The following ZBTB20 variants were observed in gnomAD, a reference collection of about 807,000 sequenced individuals.
The protein encoded by ZBTB20 is zinc finger and BTB domain-containing protein 20.
A neutral mutation model predicts 56.9 loss-of-function variants in ZBTB20; 9 were observed. The observed-to-expected ratio is 0.16, with a 90% CI of 0.10 to 0.28. The LOEUF is 0.28. ZBTB20 is among the 10% of genes least tolerant of loss of function. The pLI is 1.00. For synonymous variants in ZBTB20, 417 were observed against 420.7 expected, an observed-to-expected ratio of 0.99 and a Z score of 0.11; for missense variants, 655 against 1,003.0, an observed-to-expected ratio of 0.65 and a Z score of 4.69.
intron 3 of ZBTB20, among the ~76,000 whole-genome samples, chr3:114,969,725 G>T (rs544870398): frequency 6.6e-6 from 1 of 152,120 alleles, no homozygotes; most frequent in African/African-American, 2.4e-5. Context: ...TCAGTTATAA[G>T]AAAGTATAAT....
At chr3:114,911,579 A>C (rs1560389750) in intron 3 of ZBTB20, among the ~76,000 whole-genome samples, 1 of 152,072 alleles carries the variant, frequency 6.6e-6, no homozygotes, top group Non-Finnish European at 1.5e-5. Context: ...CCATAAAAAA[A>C]GGACCAAACA....
At chr3:114,578,801 TA>T (rs1693151437) in intron 6 of ZBTB20, among the ~76,000 whole-genome samples, 1 of 151,522 alleles carries the variant, frequency 6.6e-6, no homozygotes. Flanking sequence ...TAAAAAAAAG[TA>T]ACAAGAAAAG....
chr3:115,002,148 T>C (rs1027467234), intron 2 of ZBTB20, among the ~76,000 whole-genome samples: 1 of 151,446 alleles, frequency 6.6e-6, no homozygotes, highest in African/African-American at 2.4e-5. Context: ...AAAAGTCTTT[T>C]CAACAAATAG....
At chr3:114,780,498 C>CT (rs1402630606) in intron 5 of ZBTB20, among the ~76,000 whole-genome samples, 1 of 151,912 alleles carries the variant, frequency 6.6e-6, no homozygotes, top group Non-Finnish European at 1.5e-5. Context: ...CTTCTCTTTT[C>CT]TTTTTTTTGA....
At chr3:114,887,841 A>G (rs887675096) in intron 4 of ZBTB20, among the ~76,000 whole-genome samples, 18 of 152,168 alleles carry the variant, frequency 1.2e-4, no homozygotes, top group African/African-American at 4.1e-4. Flanking sequence ...CAGAAGTTTT[A>G]TAAGTGTAAA....
intron 7 of ZBTB20, among the ~76,000 whole-genome samples, chr3:114,432,027 CTCTT>C (rs1209109014): frequency 5.9e-5 from 9 of 152,248 alleles, no homozygotes; most frequent in South Asian, 2.1e-4. Context: ...GTGCAGTTGT[CTCTT>C]TCTTATACAG....
chr3:114,685,592 G>C (rs1239733689), intron 6 of ZBTB20, among the ~76,000 whole-genome samples: 1 of 152,180 alleles, frequency 6.6e-6, no homozygotes, highest in Non-Finnish European at 1.5e-5. Context: ...CTTGTTCCCA[G>C]TAAAGGGGTA....
At chr3:115,084,622 G>C (rs1215236500) in intron 1 of ZBTB20, among the ~76,000 whole-genome samples, 1 of 151,852 alleles carries the variant, frequency 6.6e-6, no homozygotes, top group Non-Finnish European at 1.5e-5. Context: ...CATTAAGATA[G>C]ATCCCTAATG....
At chr3:114,664,497 G>A (rs1477947645) in intron 6 of ZBTB20, among the ~76,000 whole-genome samples, 3 of 151,954 alleles carry the variant, frequency 2.0e-5, no homozygotes, top group Non-Finnish European at 2.9e-5. Context: ...AAAGGATGGC[G>A]GCAGAAAGAA....
chr3:114,616,357 C>T (rs769674688), intron 6 of ZBTB20, among the ~76,000 whole-genome samples: 3 of 152,108 alleles, frequency 2.0e-5, no homozygotes, highest in Non-Finnish European at 2.9e-5. Context: ...ATATTTTGCA[C>T]GATTTTCCTA....
At chr3:115,136,518 A>G (rs2084657791) in intron 1 of ZBTB20, among the ~76,000 whole-genome samples, 1 of 152,146 alleles carries the variant, frequency 6.6e-6, no homozygotes, top group South Asian at 2.1e-4. Context: ...ATGAATGTCA[A>G]AGAATTTAAG....
At chr3:114,800,079 G>T (rs570994893) in intron 5 of ZBTB20, among the ~76,000 whole-genome samples, 2 of 151,836 alleles carry the variant, frequency 1.3e-5, no homozygotes, top group Admixed American at 6.6e-5. Flanking sequence ...ACAATAGAAG[G>T]GTAAGTGTTT....
intron 6 of ZBTB20, among the ~76,000 whole-genome samples, chr3:114,523,378 C>T (rs1042525703): frequency 1.1e-4 from 16 of 152,222 alleles, no homozygotes; most frequent in Middle Eastern, 3.4e-3. Context: ...AGTGACTATA[C>T]GCATTTCTTG....
At chr3:114,449,702 A>AAG (rs1553715804) in intron 7 of ZBTB20, among the ~76,000 whole-genome samples, 6 of 149,760 alleles carry the variant, frequency 4.0e-5, no homozygotes, top group Non-Finnish European at 6.0e-5. Flanking sequence ...AAAAAAAAAA[A>AAG]GGTTGCACAA....
chr3:115,146,646 G>A (rs988338426), intron 1 of ZBTB20, among the ~76,000 whole-genome samples: 2 of 152,146 alleles, frequency 1.3e-5, no homozygotes, highest in South Asian at 2.1e-4. Context: ...GACATCCAGC[G>A]GCTGTGGGGC....
chr3:115,016,777 T>C (rs1464801070), intron 2 of ZBTB20, among the ~76,000 whole-genome samples: 3 of 151,964 alleles, frequency 2.0e-5, no homozygotes, highest in South Asian at 2.1e-4. Context: ...TTGCTTAGGA[T>C]TGTCTTTGCT....
chr3:114,970,353 T>C (rs539955716), intron 3 of ZBTB20, among the ~76,000 whole-genome samples: 1 of 152,314 alleles, frequency 6.6e-6, no homozygotes, highest in Non-Finnish European at 1.5e-5. Flanking sequence ...ATAAAAAACA[T>C]CTTATTATCA....
chr3:115,031,792 T>C (rs2080693584), intron 2 of ZBTB20, among the ~76,000 whole-genome samples: 1 of 151,460 alleles, frequency 6.6e-6, no homozygotes, highest in South Asian at 2.1e-4. Context: ...TGATATTAAA[T>C]GGGTAAAATT....
chr3:114,963,496 A>G (rs1175459682), intron 3 of ZBTB20, among the ~76,000 whole-genome samples: 1 of 152,176 alleles, frequency 6.6e-6, no homozygotes, highest in African/African-American at 2.4e-5. Context: ...CCGCAACCAC[A>G]TCTTTCTTTG....
Sources: allele counts gnomAD v4.1 joint callset (sites outside exome capture counted in the v4.1 genomes callset), GRCh38; gene constraint gnomAD v4.1.1; transcripts MANE v1.5; gene names NCBI Gene and HGNC (gene_info 2026-07-23, HGNC 2026-07-21).